XYLT1: variants seen among roughly 807,000 people sequenced by gnomAD.
XYLT1 encodes the protein beta-D-xylosyltransferase 1.
Under a neutral mutation model 91.3 loss-of-function variants are expected in XYLT1, and 36 were observed. The ratio of observed to expected loss-of-function variants is 0.39; its 90% CI spans 0.30 to 0.52. The LOEUF (loss-of-function observed/expected upper bound fraction) is 0.52, where lower values mean the gene tolerates loss of function less well. Among genes scored for constraint, XYLT1 ranks in the 20% least tolerant of loss-of-function variants. The pLI is 0.68. For synonymous variants in XYLT1, 588 were observed against 532.0 expected (o/e 1.11, Z -1.45); for missense variants, 1,242 against 1,284.5 (o/e 0.97, Z 0.51).
At chr16:17,400,613 GAGGGAGGGAGGA>G (rs1293531587) in intron 1 of XYLT1, among the ~76,000 whole-genome samples, 43 of 125,618 alleles carry the variant, frequency 3.4e-4, no homozygotes, top group African/African-American at 7.2e-4. Flanking sequence ...GAGAGGGAGG[GAGGGAGGGAGGA>G]AGGGAGGAAG....
intron 1 of XYLT1, among the ~76,000 whole-genome samples, chr16:17,403,030 G>T (rs1316128485): frequency 6.6e-6 from 1 of 152,090 alleles, no homozygotes; most frequent in Admixed American, 6.6e-5. Context: ...GACATCAAAG[G>T]CCTGTGCGGA....
chr16:17,272,781 G>A (rs1190619950), intron 2 of XYLT1, among the ~76,000 whole-genome samples: 6 of 152,164 alleles, frequency 3.9e-5, no homozygotes, highest in South Asian at 2.1e-4. Context: ...GTCTGCACGC[G>A]GTGACACTGC....
chr16:17,146,928 A>T (rs550325193), intron 6 of XYLT1, among the ~76,000 whole-genome samples: 2 of 152,292 alleles, frequency 1.3e-5, no homozygotes, highest in Admixed American at 1.3e-4. Context: ...ATCTTTCCAC[A>T]TGCAAAATCT....
chr16:17,398,992 A>C (rs1327227566), intron 1 of XYLT1, among the ~76,000 whole-genome samples: 1 of 151,858 alleles, frequency 6.6e-6, no homozygotes, highest in Non-Finnish European at 1.5e-5. Context: ...TTACAGGTGC[A>C]TGCCGCCACA....
Position 17,374,470 on chromosome 16 carries a change from T to C in XYLT1, c.364-16420A>G, listed in dbSNP as rs375510586. Among the ~76,000 whole-genome samples the C allele has an allele frequency of 2.5e-3, 386 of 152,288 alleles. 9 individuals carry two copies. Among genetic ancestry groups the C allele is most frequent in the South Asian group, 0.014 (67 of 4,824 alleles). On this transcript the variant is annotated intron_variant, in intron 1 of 11. Transcript: ENST00000261381. ...TTTACATAATCAGATCCAAAGGTACTTCTGAAAACCAACTCAGTGAATCAG... is the reference window on the plus strand; with the variant it reads ...TTTACATAATCAGATCCAAAGGTACCTCTGAAAACCAACTCAGTGAATCAG...
At chr16:17,349,064 T>C (rs2035184694) in intron 2 of XYLT1, among the ~76,000 whole-genome samples, 1 of 152,202 alleles carries the variant, frequency 6.6e-6, no homozygotes. Context: ...TGAGAGAAGA[T>C]GCGTGTGCTG....
At chr16:17,253,867 C>G (rs967034112) in intron 3 of XYLT1, among the ~76,000 whole-genome samples, 3 of 142,866 alleles carry the variant, frequency 2.1e-5, no homozygotes, top group African/African-American at 7.9e-5. Flanking sequence ...AGAGAGCGAG[C>G]CTGCAGGTGG....
rs183120433 is a variant in XYLT1 at position 17,403,651 on chromosome 16, C to T, written c.364-45601G>A. 3.3e-3 allele frequency: 506 copies of T among 152,360 alleles called. 2 individuals are homozygous for T. Among genetic ancestry groups the T allele is most frequent in the Middle Eastern group, 6.8e-3 (2 of 296 alleles). The allele number at this position is 152,360 out of a possible 1,614,324, so 9.4% of individuals were successfully genotyped here. On this transcript the variant is annotated intron_variant, in intron 1 of 11. Transcript: ENST00000261381. Reference sequence around the variant, plus strand: ...GATTCAATAACCTCCCACCGGGTCCCTCCCACAACACGTGGGGGAATCATG... The same window carrying T: ...GATTCAATAACCTCCCACCGGGTCCTTCCCACAACACGTGGGGGAATCATG...
chr16:17,138,498 G>T lies in XYLT1; in HGVS notation c.1621C>A (p.His541Asn), dbSNP rs751154302. ...TTGTTGTCCACCATGGTGTCGCAGT[G>T]GGGGCTGTTCTCCAGGACCGTATGG... ...FFHTVLENSP[H>N]CDTMVDNNLR... Residue 541 changes from histidine (H) to asparagine (N), a missense_variant, in exon 8 of 12, where the codon CAC becomes AAC. This residue lies in a region of XYLT1 where 294 missense variants were observed against 376.0 expected (regional missense o/e 0.78). Transcript: ENST00000261381. The T allele has an allele frequency of 3.1e-6, 5 of 1,613,986 alleles. No homozygotes were observed. Among genetic ancestry groups the T allele is most frequent in the Non-Finnish European group, 4.2e-6 (5 of 1,180,012 alleles).
At chr16:17,463,949 C>T (rs1051724510) in intron 1 of XYLT1, among the ~76,000 whole-genome samples, 2 of 152,114 alleles carry the variant, frequency 1.3e-5, no homozygotes, top group African/African-American at 2.4e-5. Flanking sequence ...ATGAATAAAC[C>T]GGAGGCCATC....
intron 1 of XYLT1, among the ~76,000 whole-genome samples, chr16:17,433,031 G>A (rs2036410901): frequency 6.6e-6 from 1 of 152,144 alleles, no homozygotes; most frequent in African/African-American, 2.4e-5. Flanking sequence ...TCCCAGCCCA[G>A]GAGCTTCCAA....
chr16:17,469,497 C>T (rs780877578), intron 1 of XYLT1, among the ~76,000 whole-genome samples: 1 of 152,188 alleles, frequency 6.6e-6, no homozygotes, highest in Non-Finnish European at 1.5e-5. Flanking sequence ...GGCAAGGCAG[C>T]CCAGAGAAGG....
chr16:17,189,897 T>C (rs1306725689), intron 5 of XYLT1, among the ~76,000 whole-genome samples: 1 of 151,924 alleles, frequency 6.6e-6, no homozygotes, highest in Non-Finnish European at 1.5e-5. Context: ...AAATACAAAA[T>C]TAGCCAGGTG....
At chr16:17,119,878 C>T (rs2029985471) in intron 10 of XYLT1, among the ~76,000 whole-genome samples, 1 of 152,216 alleles carries the variant, frequency 6.6e-6, no homozygotes, top group African/African-American at 2.4e-5. Flanking sequence ...CATTCATTCA[C>T]CCAACACACA....
intron 1 of XYLT1, among the ~76,000 whole-genome samples, chr16:17,386,500 G>A (rs1403494813): frequency 6.6e-6 from 1 of 152,160 alleles, no homozygotes; most frequent in African/African-American, 2.4e-5. Flanking sequence ...TGGAGAGGTG[G>A]AGGGGCTCAG....
chr16:17,340,156 C>T (rs9928849), intron 2 of XYLT1, among the ~76,000 whole-genome samples: 2 of 54,070 alleles, frequency 3.7e-5, no homozygotes, highest in Admixed American at 2.7e-4. Flanking sequence ...CCCATCCCTC[C>T]ATCCAACATA....
rs9930582 is a variant in XYLT1 at position 17,258,707 on chromosome 16, G to A, written c.913+281C>T. On this transcript the variant is annotated intron_variant, in intron 3 of 11. Coordinates refer to ENST00000261381, the MANE Select transcript of XYLT1 (RefSeq NM_022166.4). ...AATACAGCTCCCTTGGCTCCTGCCAGCATCACATCAGCTCCCGATTTCACT... is the reference window on the plus strand; with the variant it reads ...AATACAGCTCCCTTGGCTCCTGCCAACATCACATCAGCTCCCGATTTCACT... Among the ~76,000 whole-genome samples the A allele has an allele frequency of 0.34, 52,452 of 152,084 alleles. 9,911 individuals are homozygous for A. The highest frequency in any genetic ancestry group is 0.49 in the African/African-American group (20,391 of 41,490).
intron 1 of XYLT1, among the ~76,000 whole-genome samples, chr16:17,464,423 C>T (rs544973812): frequency 6.9e-6 from 1 of 145,004 alleles, no homozygotes; most frequent in Non-Finnish European, 1.5e-5. Context: ...ACCTGAGAGG[C>T]GGAGGTAGCA....
chr16:17,308,438 C>CT (rs1567367257), intron 2 of XYLT1, among the ~76,000 whole-genome samples: 2 of 152,222 alleles, frequency 1.3e-5, no homozygotes, highest in African/African-American at 4.8e-5. Flanking sequence ...GAAGAGATTA[C>CT]TTCCCTTCTC....
Sources: gnomAD v4.1 joint callset for allele counts (sites outside exome capture counted in the v4.1 genomes callset) on GRCh38, gnomAD v4.1.1 for gene constraint, gnomAD v4.1.1 regional missense constraint, MANE v1.5 for transcripts, NCBI Gene and HGNC (gene_info 2026-07-23, HGNC 2026-07-21) for gene names.